Variants in C10orf90 observed in about 807,000 individuals in gnomAD.
C10orf90 encodes chromosome 10 open reading frame 90, also known as (E2-independent) E3 ubiquitin-conjugating enzyme FATS.
Under a neutral mutation model 62.5 loss-of-function variants are expected in C10orf90, and 56 were observed. That is an observed-to-expected ratio of 0.90 (90% CI 0.72 to 1.12). C10orf90 has a LOEUF of 1.12. C10orf90 is among the 50% of genes most tolerant of loss of function. The pLI, the probability that C10orf90 is intolerant of heterozygous loss-of-function variation, is 0.00. For synonymous variants in C10orf90, 386 were observed against 340.4 expected, an observed-to-expected ratio of 1.13 and a Z score of -1.47; for missense variants, 970 against 880.4, an observed-to-expected ratio of 1.10 and a Z score of -1.29.
chr10:126,572,314 C>G (rs913276158), intron 2 of C10orf90, among the ~76,000 whole-genome samples: 2 of 152,120 alleles, frequency 1.3e-5, no homozygotes, highest in African/African-American at 4.8e-5. Flanking sequence ...AGAGTGGGTT[C>G]TTGCATCTTG....
At chr10:126,438,538 T>C (rs1858072910) in intron 7 of C10orf90, among the ~76,000 whole-genome samples, 1 of 152,132 alleles carries the variant, frequency 6.6e-6, no homozygotes, top group Admixed American at 6.5e-5. Context: ...GAATACAGTA[T>C]ACGACAAATA....
chr10:126,533,031 C>G (rs1232921491), intron 2 of C10orf90, among the ~76,000 whole-genome samples: 2 of 150,898 alleles, frequency 1.3e-5, no homozygotes, highest in African/African-American at 4.9e-5. Context: ...CTCCCGGGTT[C>G]ACGTCATTCT....
At chr10:126,524,079 T>A (rs111413274) in intron 2 of C10orf90, among the ~76,000 whole-genome samples, 1 of 152,346 alleles carries the variant, frequency 6.6e-6, no homozygotes, top group African/African-American at 2.4e-5. Context: ...TTAAGAATTG[T>A]CTTTTGCCTT....
At chr10:126,573,335 T>C (rs1277822972) in intron 2 of C10orf90, among the ~76,000 whole-genome samples, 1 of 152,174 alleles carries the variant, frequency 6.6e-6, no homozygotes, top group Admixed American at 6.5e-5. Flanking sequence ...ACCGATTAGG[T>C]CAGGGCTCGA....
At chr10:126,645,152 C>T (rs985557052) in intron 2 of C10orf90, among the ~76,000 whole-genome samples, 1 of 151,276 alleles carries the variant, frequency 6.6e-6, no homozygotes, top group African/African-American at 2.4e-5. Flanking sequence ...GGGAGGTATA[C>T]CTAATGCTAG....
intron 2 of C10orf90, among the ~76,000 whole-genome samples, chr10:126,560,100 ATAT>A (rs1201270364): frequency 6.6e-5 from 10 of 152,088 alleles, no homozygotes; most frequent in Non-Finnish European, 8.8e-5. Context: ...TTAACAATAA[ATAT>A]TATATTTCTA....
At chr10:126,513,177 C>A (rs1339420522) in intron 3 of C10orf90, among the ~76,000 whole-genome samples, 1 of 152,138 alleles carries the variant, frequency 6.6e-6, no homozygotes, top group Non-Finnish European at 1.5e-5. Context: ...AAAGGGATTT[C>A]CACCATGACA....
chr10:126,669,829 TA>T (rs951425157), intron 1 of C10orf90, among the ~76,000 whole-genome samples: 5 of 152,122 alleles, frequency 3.3e-5, no homozygotes, highest in African/African-American at 1.2e-4. Context: ...ACGTCATACA[TA>T]TTCTCCTACA....
At chr10:126,571,316 T>G (rs547428705) in intron 2 of C10orf90, among the ~76,000 whole-genome samples, 102 of 152,302 alleles carry the variant, frequency 6.7e-4, no homozygotes, top group African/African-American at 2.2e-3. Flanking sequence ...AAAGGGCAGG[T>G]GAGACTCACC....
chr10:126,564,241 T>C (rs969565368), intron 2 of C10orf90, among the ~76,000 whole-genome samples: 1 of 151,982 alleles, frequency 6.6e-6, no homozygotes, highest in Non-Finnish European at 1.5e-5. Context: ...AGCATTTTAG[T>C]CTCTGTGGGC....
intron 2 of C10orf90, among the ~76,000 whole-genome samples, chr10:126,586,599 G>A (rs945951880): frequency 3.3e-5 from 5 of 152,108 alleles, no homozygotes; most frequent in Non-Finnish European, 7.4e-5. Flanking sequence ...CTTTCATACA[G>A]CTGCTCAGAA....
chr10:126,653,970 CT>C (rs932606680), intron 1 of C10orf90, among the ~76,000 whole-genome samples: 1 of 151,598 alleles, frequency 6.6e-6, no homozygotes, highest in Non-Finnish European at 1.5e-5. Flanking sequence ...TGAAAGGAAT[CT>C]TTTTTTTTCT....
chr10:126,544,444 C>A (rs1261408860), intron 2 of C10orf90, among the ~76,000 whole-genome samples: 7 of 152,056 alleles, frequency 4.6e-5, no homozygotes, highest in African/African-American at 1.4e-4. Context: ...GGGGCCATTG[C>A]GTGAAATAAC....
intron 2 of C10orf90, among the ~76,000 whole-genome samples, chr10:126,527,847 G>A (rs1015875830): frequency 1.3e-5 from 2 of 152,118 alleles, no homozygotes; most frequent in African/African-American, 4.8e-5. Context: ...TTGACCATGG[G>A]CCAGGCATTG....
At chr10:126,426,651 C>A (rs1408636689) in intron 8 of C10orf90, among the ~76,000 whole-genome samples, 1 of 152,194 alleles carries the variant, frequency 6.6e-6, no homozygotes, top group African/African-American at 2.4e-5. Flanking sequence ...CCTCTGGACA[C>A]TTCTTTCCTA....
chr10:126,625,024 G>A (rs984979245), intron 2 of C10orf90, among the ~76,000 whole-genome samples: 1 of 152,184 alleles, frequency 6.6e-6, no homozygotes, highest in African/African-American at 2.4e-5. Flanking sequence ...AATTGTAAGA[G>A]GCATCAGGTC....
At chr10:126,547,498 GAA>G (rs34204650) in intron 2 of C10orf90, among the ~76,000 whole-genome samples, 7 of 114,162 alleles carry the variant, frequency 6.1e-5, no homozygotes, top group African/African-American at 6.8e-5. Context: ...TTAACTGAGT[GAA>G]AAAAAAAAAA....
At chr10:126,630,946 C>T (rs1845839513) in intron 2 of C10orf90, among the ~76,000 whole-genome samples, 1 of 152,186 alleles carries the variant, frequency 6.6e-6, no homozygotes, top group African/African-American at 2.4e-5. Context: ...CTCCTGCCCT[C>T]CTTCATTCAT....
At chr10:126,579,461 G>A (rs965364186) in intron 2 of C10orf90, among the ~76,000 whole-genome samples, 2 of 151,872 alleles carry the variant, frequency 1.3e-5, no homozygotes, top group South Asian at 4.2e-4. Context: ...GGCTGGTCTC[G>A]AACTCCTGAA....
Sources: gnomAD v4.1 joint callset for allele counts (sites outside exome capture counted in the v4.1 genomes callset) on GRCh38, gnomAD v4.1.1 for gene constraint, MANE v1.5 for transcripts, NCBI Gene and HGNC (gene_info 2026-07-23, HGNC 2026-07-21) for gene names.